B3GAT2: variants seen among roughly 807,000 people sequenced by gnomAD.
The protein encoded by B3GAT2 is galactosylgalactosylxylosylprotein 3-beta-glucuronosyltransferase 2.
A neutral mutation model predicts 27.8 loss-of-function variants in B3GAT2; 26 were observed. The ratio of observed to expected loss-of-function variants is 0.93; its 90% confidence interval spans 0.68 to 1.30. The LOEUF (loss-of-function observed/expected upper bound fraction) is 1.30, where lower values mean the gene tolerates loss of function less well. Among genes scored for constraint, B3GAT2 ranks in the 50% most tolerant of loss-of-function variants. B3GAT2 has a pLI of 0.00. For synonymous variants in B3GAT2, 218 were observed against 195.1 expected, an observed-to-expected ratio of 1.12 and a Z score of -0.98; for missense variants, 458 against 459.0, an observed-to-expected ratio of 1.00 and a Z score of 0.02.
At chr6:70,940,872 G>A (rs980882312) in intron 1 of B3GAT2, among the ~76,000 whole-genome samples, 4 of 152,168 alleles carry the variant, frequency 2.6e-5, no homozygotes, top group African/African-American at 7.2e-5. Context: ...AAGTTGCAGT[G>A]AGCCAGGTTA....
chr6:70,875,888 C>G (rs1389454189), intron 2 of B3GAT2, among the ~76,000 whole-genome samples: 1 of 152,098 alleles, frequency 6.6e-6, no homozygotes, highest in Non-Finnish European at 1.5e-5. Flanking sequence ...CTGAAAAAAC[C>G]ATCATAGAAA....
intron 2 of B3GAT2, among the ~76,000 whole-genome samples, chr6:70,884,435 A>G (rs961911588): frequency 6.6e-6 from 1 of 152,218 alleles, no homozygotes; most frequent in Non-Finnish European, 1.5e-5. Flanking sequence ...ACATTTGTTC[A>G]AGCTATTACC....
chr6:70,946,953 A>C (rs1323332897), intron 1 of B3GAT2, among the ~76,000 whole-genome samples: 1 of 152,230 alleles, frequency 6.6e-6, no homozygotes, highest in African/African-American at 2.4e-5. Flanking sequence ...AACTGCATGG[A>C]AACTGAACAA....
rs1771440298 is a variant in B3GAT2 at position 70,856,725 on chromosome 6, T to TG, written c.*4937_*4938insC. On this transcript the variant is annotated 3_prime_UTR_variant, in exon 4 of 4. Transcript: ENST00000230053. ...GGGCTTGGGCTTGTAAGTGATCCTC[T>TG]TGAATGGCACCATTTTACCTTCTAC... is the stretch of plus-strand genomic sequence containing the variant. The TG allele has an allele frequency of 1.2e-6, 1 of 855,386 alleles. No homozygotes were observed. Among genetic ancestry groups the TG allele is most frequent in the African/African-American group, 1.7e-5 (1 of 58,620 alleles). 53.0% of individuals were successfully genotyped at this position (855,386 alleles called of 1,614,324 possible). A position where few individuals can be genotyped will look rare whatever the true frequency, so the allele number is the denominator to read the frequency against.
In B3GAT2 at chr6:70,857,826, T is replaced by C. The variant is rs1771497460; in HGVS notation, c.*3837A>G. 5.2e-6 allele frequency: 7 copies of C among 1,344,598 alleles called. No homozygotes were observed. Among genetic ancestry groups the C allele is most frequent in the Non-Finnish European group, 7.2e-6 (7 of 975,748 alleles). The allele number at this position is 1,344,598 out of a possible 1,614,324, so 83.3% of individuals were successfully genotyped here. On this transcript the variant is annotated 3_prime_UTR_variant, in exon 4 of 4. Coordinates refer to ENST00000230053, the MANE Select transcript of B3GAT2 (RefSeq NM_080742.3). ...CAAACTGGAATTAAAATGTTTGCTGTGAGTAGTTCAGAAAGGCAATTTTTC... is the reference window on the plus strand; with the variant it reads ...CAAACTGGAATTAAAATGTTTGCTGCGAGTAGTTCAGAAAGGCAATTTTTC...
Position 70,894,180 on chromosome 6 carries a change from A to G in B3GAT2, c.684T>C (p.Val228=), listed in dbSNP as rs762418161. Residue 228 remains valine, a synonymous_variant, in exon 2 of 4, where the codon GTT becomes GTC. Coordinates refer to ENST00000230053, the MANE Select transcript of B3GAT2 (RefSeq NM_080742.3). ...CTGCTCTCCAGCCGGTGTACCAGCC[A>G]ACAACTTTGCCGTTTTCCACCAGCG... The part of the protein sequence containing the change: ...ERPLVENGKV[V]GWYTGWRADR... 1.3e-5 allele frequency: 21 copies of G among 1,613,624 alleles called. No homozygotes were observed. The East Asian group carries it at 4.7e-4, about 36-fold the overall frequency.
chr6:70,951,948 G>C (rs1244251416), intron 1 of B3GAT2, among the ~76,000 whole-genome samples: 1 of 152,022 alleles, frequency 6.6e-6, no homozygotes, highest in Non-Finnish European at 1.5e-5. Flanking sequence ...TGTACCAAGG[G>C]TAAAAGGTAA....
intron 1 of B3GAT2, among the ~76,000 whole-genome samples, chr6:70,942,242 C>T (rs1377894441): frequency 6.6e-6 from 1 of 152,154 alleles, no homozygotes. Flanking sequence ...GATTTAGATG[C>T]CACTTCCAAA....
chr6:70,954,221 T>C (rs1486664608), intron 1 of B3GAT2, among the ~76,000 whole-genome samples: 1 of 152,230 alleles, frequency 6.6e-6, no homozygotes, highest in Non-Finnish European at 1.5e-5. Context: ...AAGCCACTTT[T>C]TTCTTTTGGA....
chr6:70,880,710 G>A (rs1772087508), intron 2 of B3GAT2, among the ~76,000 whole-genome samples: 1 of 151,370 alleles, frequency 6.6e-6, no homozygotes, highest in South Asian at 2.1e-4. Flanking sequence ...CTGTCACCCA[G>A]GCTGGAGTGC....
chr6:70,917,905 T>C (rs10945265), intron 1 of B3GAT2, among the ~76,000 whole-genome samples: 35,366 of 152,100 alleles, frequency 0.23, 4,379 homozygotes, highest in Non-Finnish European at 0.28. Flanking sequence ...TGTAGATGTC[T>C]ATTAGTTCTG....
intron 1 of B3GAT2, among the ~76,000 whole-genome samples, chr6:70,927,244 G>A (rs1325812490): frequency 3.9e-5 from 6 of 152,160 alleles, no homozygotes; most frequent in Admixed American, 6.6e-5. Flanking sequence ...AAAGACCATC[G>A]ATGCTATGAA....
intron 1 of B3GAT2, among the ~76,000 whole-genome samples, chr6:70,934,970 T>A (rs1044738785): frequency 2.0e-5 from 3 of 152,186 alleles, no homozygotes; most frequent in Non-Finnish European, 2.9e-5. Context: ...GGTAAGTCAG[T>A]CCTGAAGCTT....
intron 1 of B3GAT2, among the ~76,000 whole-genome samples, chr6:70,939,604 G>A (rs1005834798): frequency 6.6e-5 from 10 of 151,740 alleles, no homozygotes; most frequent in Non-Finnish European, 1.5e-5. Context: ...GCAGGGACAT[G>A]GATGAAATTG....
In B3GAT2 at chr6:70,859,353, C is replaced by T. The variant is rs775354035; in HGVS notation, c.*2310G>A. On this transcript the variant is annotated 3_prime_UTR_variant, in exon 4 of 4. Transcript: ENST00000230053. ...GATAATGCAGAAGGGTGATGCTGTT[C>T]TCCAGCACTCCATCAGTGCAATCTA... is the stretch of plus-strand genomic sequence containing the variant. The T allele has an allele frequency of 2.6e-6, 4 of 1,548,940 alleles. No individual in the cohort carries two copies. Among genetic ancestry groups the T allele is most frequent in the African/African-American group, 1.4e-5 (1 of 72,992 alleles).
chr6:70,890,257 T>C (rs185237063), intron 2 of B3GAT2, among the ~76,000 whole-genome samples: 32 of 152,202 alleles, frequency 2.1e-4, no homozygotes, highest in African/African-American at 7.5e-4. Flanking sequence ...TCTCTTTCCC[T>C]GGCTCCCCCC....
chr6:70,931,524 T>C (rs1448102285), intron 1 of B3GAT2, among the ~76,000 whole-genome samples: 1 of 152,160 alleles, frequency 6.6e-6, no homozygotes, highest in Admixed American at 6.6e-5. Context: ...CAGGTGGTTA[T>C]GCTCCCACAT....
At chr6:70,924,715 G>A (rs2150043204) in intron 1 of B3GAT2, among the ~76,000 whole-genome samples, 1 of 152,210 alleles carries the variant, frequency 6.6e-6, no homozygotes, top group African/African-American at 2.4e-5. Flanking sequence ...GTCATTCCTG[G>A]GATTGGGTCA....
chr6:70,955,965 G>C lies in B3GAT2; in HGVS notation c.465C>G (p.Arg155=). The C allele has an allele frequency of 6.7e-7, 1 of 1,497,828 alleles. No individual in the cohort carries two copies. Among genetic ancestry groups the C allele is most frequent in the Non-Finnish European group, 8.9e-7 (1 of 1,129,862 alleles). 92.8% of individuals were successfully genotyped at this position (1,497,828 alleles called of 1,614,324 possible). Residue 155 remains arginine, a synonymous_variant, in exon 1 of 4, where the codon CGC becomes CGG. Coordinates refer to ENST00000230053, the MANE Select transcript of B3GAT2 (RefSeq NM_080742.3). ...PRRYKRPGLP[R]ATEQRNAGLA... ...GGCCCGCGTTGCGCTGCTCAGTGGC[G>C]CGCGGCAGCCCGGGCCGCTTGTAGC...
Sources: gnomAD v4.1 joint callset for allele counts (sites outside exome capture counted in the v4.1 genomes callset) on GRCh38, gnomAD v4.1.1 for gene constraint, MANE v1.5 for transcripts, NCBI Gene and HGNC (gene_info 2026-07-23, HGNC 2026-07-21) for gene names.